ALKAL2: variants seen among roughly 807,000 people sequenced by gnomAD.
ALKAL2 encodes the protein AUG-alpha.
In ALKAL2, 8 loss-of-function variants were observed where a neutral mutation model predicts 18.5. That is an observed-to-expected ratio of 0.43 (90% CI 0.25 to 0.78). The LOEUF (loss-of-function observed/expected upper bound fraction) is 0.78. ALKAL2 is among the 30% of genes least tolerant of loss of function. ALKAL2 has a pLI of 0.22. For missense variants in ALKAL2, 241 were observed against 211.2 expected (o/e 1.14, Z -0.88); for synonymous variants, 135 against 95.8 (o/e 1.41, Z -2.39).
rs1483321986 is a variant in ALKAL2, at chr2:280,167, A to C, written c.454-15T>G. ...TCTGCTCACTGCTGAAAACAAATAC[A>C]TTGCGTGTGATATGACTATCCACAC... On this transcript the variant is annotated splice_polypyrimidine_tract_variant and intron_variant, in intron 5 of 5. Transcript: ENST00000403610. The C allele has an allele frequency of 1.2e-6, 2 of 1,613,812 alleles. No homozygotes were observed. The highest frequency in any genetic ancestry group is 1.7e-6 in the Non-Finnish European group (2 of 1,179,868).
chr2:287,920 G>A (rs2103087384), intron 1 of ALKAL2, 28 bp from the exon 2 acceptor site: 1 of 1,222,716 alleles, frequency 8.2e-7, no homozygotes, highest in Non-Finnish European at 1.0e-6. Flanking sequence ...CGGGGGGCCG[G>A]AGAGAAAGTC....
rs776359979 is a variant in ALKAL2 at position 286,268 on chromosome 2, G to A, written c.307+22C>T. ...GGTGAAAAGGAGCTCTGGGAGACGT[G>A]AGGAACGAGGAGAAAACTTACCTGT... On this transcript the variant is annotated intron_variant, in intron 3 of 5. Coordinates refer to ENST00000403610, the MANE Select transcript of ALKAL2 (RefSeq NM_001002919.3). The A allele has an allele frequency of 1.9e-6, 3 of 1,610,898 alleles. No homozygotes were observed. In the Admixed American group the frequency reaches 5.0e-5, roughly 27 times the overall value.
chr2:287,472 G>T, intron 2 of ALKAL2, 111 bp downstream of exon 2: 46 of 522,440 alleles, frequency 8.8e-5, no homozygotes, highest in Non-Finnish European at 1.2e-4. Flanking sequence ...AAAAAAAAAG[G>T]AATCCTGCTG....
chr2:282,538 G>GTTAAATGTTGCA (rs1670387563), intron 5 of ALKAL2, among the ~76,000 whole-genome samples: 1 of 152,138 alleles, frequency 6.6e-6, no homozygotes, highest in Admixed American at 6.5e-5. Flanking sequence ...GATGGTTGGT[G>GTTAAATGTTGCA]TTAAATGTTG....
chr2:280,276 C>A, intron 5 of ALKAL2, 124 bp from the exon 6 acceptor site: 1 of 998,930 alleles, frequency 1.0e-6, no homozygotes, highest in Non-Finnish European at 1.6e-6. Flanking sequence ...CAGAGTGCAT[C>A]TGTATTTCTC....
chr2:287,965 G>T, intron 1 of ALKAL2, 48 bp downstream of exon 1: 1 of 1,232,122 alleles, frequency 8.1e-7, no homozygotes, highest in Non-Finnish European at 1.0e-6. Context: ...GGGCGGGGGA[G>T]GGGAGGGGAG....
intron 5 of ALKAL2, among the ~76,000 whole-genome samples, chr2:282,787 C>T (rs1670395594): frequency 1.3e-5 from 2 of 152,170 alleles, no homozygotes; most frequent in South Asian, 2.1e-4. Flanking sequence ...ATGAATGCCT[C>T]GAAGTAAACG....
At chr2:284,151 G>C (rs1368466836) in intron 4 of ALKAL2, among the ~76,000 whole-genome samples, 1 of 152,234 alleles carries the variant, frequency 6.6e-6, no homozygotes, top group Non-Finnish European at 1.5e-5. Context: ...GGAGGCAGTG[G>C]AATGTGTGAT....
intron 4 of ALKAL2, chr2:285,902 T>C: frequency 1.9e-6 from 1 of 518,526 alleles, no homozygotes; most frequent in Non-Finnish European, 3.4e-6. Context: ...CAAGAGCCTA[T>C]TATTCCAATG....
At chr2:280,766 G>A (rs113775085) in intron 5 of ALKAL2, among the ~76,000 whole-genome samples, 9 of 152,260 alleles carry the variant, frequency 5.9e-5, no homozygotes, top group African/African-American at 2.2e-4. Context: ...GAGGGTTGGT[G>A]GGGACATTGT....
intron 2 of ALKAL2, 106 bp downstream of exon 2, chr2:287,477 C>A: frequency 3.2e-5 from 20 of 623,774 alleles, no homozygotes; most frequent in South Asian, 4.9e-5. Context: ...AAAAGGAATC[C>A]TGCTGTTCAG....
chr2:281,512 CTG>C (rs906636419), intron 5 of ALKAL2, among the ~76,000 whole-genome samples: 7 of 152,196 alleles, frequency 4.6e-5, no homozygotes, highest in Non-Finnish European at 7.3e-5. Context: ...CAGGGCATCA[CTG>C]TGGCGTTTGC....
In ALKAL2 at chr2:287,587, T is replaced by TCGCTGCTCCGGCGAAGGC. The variant is rs755639790; in HGVS notation, c.231_248dup (p.Pro78_Arg83dup). On this transcript the variant is annotated inframe_insertion, in exon 2 of 6. Transcript: ENST00000403610. ...GGCGCGCTCGGCCCCACTCACCCAC[T>TCGCTGCTCCGGCGAAGGC]CGCTGCTCCGGCGAAGGCCCCAGCC... The TCGCTGCTCCGGCGAAGGC allele has an allele frequency of 7.3e-5, 106 of 1,455,764 alleles. No individual in the cohort carries two copies. The highest frequency in any genetic ancestry group is 9.2e-5 in the Non-Finnish European group (102 of 1,110,562). The allele number at this position is 1,455,764 out of a possible 1,614,324, so 90.2% of individuals were successfully genotyped here.
chr2:280,703 C>G (rs950797634), intron 5 of ALKAL2, among the ~76,000 whole-genome samples: 3 of 152,236 alleles, frequency 2.0e-5, no homozygotes, highest in African/African-American at 7.2e-5. Context: ...GCTCAGGCTT[C>G]TGATTAACTG....
Position 279,891 on chromosome 2 carries a change from A to C in ALKAL2, c.*256T>G. On this transcript the variant is annotated 3_prime_UTR_variant, in exon 6 of 6. Coordinates refer to ENST00000403610, the MANE Select transcript of ALKAL2 (RefSeq NM_001002919.3). ...AATATTCTGTGTTTTATAGCACTAC[A>C]CGTCAAATGTGGAGCATTCCTTTTG... 2.1e-6 allele frequency: 1 copy of C among 476,958 alleles called. No individual in the cohort carries two copies. Among genetic ancestry groups the C allele is most frequent in the Non-Finnish European group, 3.8e-6 (1 of 265,828 alleles). 29.5% of individuals were successfully genotyped at this position (476,958 alleles called of 1,614,324 possible).
At chr2:286,565 C>A (rs755914578) in intron 2 of ALKAL2, 15 of 500,568 alleles carry the variant, frequency 3.0e-5, no homozygotes, top group Non-Finnish European at 4.5e-5. Context: ...TCCTGAAGCT[C>A]CAGGATTATG....
At chr2:281,034 GGCA>G (rs1471128541) in intron 5 of ALKAL2, among the ~76,000 whole-genome samples, 4 of 152,214 alleles carry the variant, frequency 2.6e-5, no homozygotes, top group Non-Finnish European at 1.5e-5. Flanking sequence ...CACGAGTGTG[GGCA>G]CCCTGGGACA....
In ALKAL2 at chr2:286,264, A is replaced by T. The variant is rs187046270; in HGVS notation, c.307+26T>A. 8.9e-4 allele frequency: 1,437 copies of T among 1,611,264 alleles called. 30 individuals are homozygous for T. In the Admixed American group the frequency reaches 0.024, roughly 27 times the overall value. On this transcript the variant is annotated intron_variant, in intron 3 of 5. Transcript: ENST00000403610. ...CACAGGTGAAAAGGAGCTCTGGGAG[A>T]CGTGAGGAACGAGGAGAAAACTTAC...
rs764210417 is a variant in ALKAL2, at chr2:287,597, G to A, written c.239C>T (p.Pro80Leu). The A allele has an allele frequency of 4.1e-6, 6 of 1,464,974 alleles. No homozygotes were observed. Among genetic ancestry groups the A allele is most frequent in the Admixed American group, 2.5e-5 (1 of 40,114 alleles). 90.7% of individuals were successfully genotyped at this position (1,464,974 alleles called of 1,614,324 possible). A position where few individuals can be genotyped will look rare whatever the true frequency, so the allele number is the denominator to read the frequency against. Residue 80 changes from proline to leucine, a missense_variant, in exon 2 of 6, where the codon CCG becomes CTG. Pro to Leu is a moderately conservative substitution (Grantham distance 98, BLOSUM62 -3). Transcript: ENST00000403610. ...RAEAAGLGPSPEQRVEIVPRD... is the reference protein window; with the variant it reads ...RAEAAGLGPSLEQRVEIVPRD... ...GCCCCACTCACCCACTCGCTGCTCCGGCGAAGGCCCCAGCCCCGCCGCCTC... is the reference window on the plus strand; with the variant it reads ...GCCCCACTCACCCACTCGCTGCTCCAGCGAAGGCCCCAGCCCCGCCGCCTC...
Sources: allele counts gnomAD v4.1 joint callset (sites outside exome capture counted in the v4.1 genomes callset), GRCh38; gene constraint gnomAD v4.1.1; transcripts MANE v1.5; gene names NCBI Gene and HGNC (gene_info 2026-07-23, HGNC 2026-07-21).